Variants in WASF3 observed in about 807,000 individuals in gnomAD.
WASF3 encodes the protein WASP family member 3, also known as actin-binding protein WASF3.
In WASF3, 11 loss-of-function variants were observed where a neutral mutation model predicts 46.6. The ratio of observed to expected loss-of-function variants is 0.24; its 90% CI spans 0.15 to 0.39. The LOEUF is 0.39. WASF3 is among the 10% of genes least tolerant of loss of function. The pLI is 1.00. For missense variants in WASF3, 576 were observed against 669.8 expected, an observed-to-expected ratio of 0.86 and a Z score of 1.55; for synonymous variants, 242 against 259.7, an observed-to-expected ratio of 0.93 and a Z score of 0.65.
chr13:26,593,615 T>G (rs1197356224), intron 1 of WASF3, among the ~76,000 whole-genome samples: 1 of 152,226 alleles, frequency 6.6e-6, no homozygotes, highest in Non-Finnish European at 1.5e-5. Flanking sequence ...CAGATTTATT[T>G]ATTTGCTCTT....
At chr13:26,561,240 G>T (rs1014083713) in intron 1 of WASF3, among the ~76,000 whole-genome samples, 1 of 152,122 alleles carries the variant, frequency 6.6e-6, no homozygotes, top group African/African-American at 2.4e-5. Flanking sequence ...GGTCAAATTT[G>T]CCCTTTGGAG....
intron 3 of WASF3, among the ~76,000 whole-genome samples, chr13:26,649,816 C>G (rs1055958615): frequency 6.6e-6 from 1 of 152,082 alleles, no homozygotes; most frequent in African/African-American, 2.4e-5. Flanking sequence ...CACGGTGGCT[C>G]ACACCTGTAA....
chr13:26,579,668 C>G (rs1402016020), intron 1 of WASF3, among the ~76,000 whole-genome samples: 1 of 152,032 alleles, frequency 6.6e-6, no homozygotes, highest in African/African-American at 2.4e-5. Context: ...CTGTAACAGC[C>G]CCCTGGACCC....
chr13:26,585,908 C>A (rs1167042174), intron 1 of WASF3, among the ~76,000 whole-genome samples: 1 of 152,022 alleles, frequency 6.6e-6, no homozygotes, highest in African/African-American at 2.4e-5. Context: ...AGAAAACTTA[C>A]CTCATAGGCC....
At chr13:26,626,073 CTT>C (rs1288263286) in intron 2 of WASF3, 3 of 152,138 alleles carry the variant, frequency 2.0e-5, no homozygotes, top group Admixed American at 6.6e-5. Context: ...ATGGTAAAGA[CTT>C]TTATTCAGGA....
chr13:26,648,476 A>T (rs1307633071), intron 3 of WASF3, among the ~76,000 whole-genome samples: 3 of 152,334 alleles, frequency 2.0e-5, no homozygotes, highest in Admixed American at 6.5e-5. Flanking sequence ...TCTACTCAGG[A>T]TAAAGATTTA....
chr13:26,688,570 T>C lies in WASF3; in HGVS notation c.*2725T>C, dbSNP rs1883482010. The C allele has an allele frequency of 1.3e-5, 2 of 152,258 alleles. No individual in the cohort carries two copies. Among genetic ancestry groups the C allele is most frequent in the South Asian group, 4.1e-4 (2 of 4,838 alleles). The allele number at this position is 152,258 out of a possible 1,614,324, so 9.4% of individuals were successfully genotyped here. A position where few individuals can be genotyped will look rare whatever the true frequency, so the allele number is the denominator to read the frequency against. ...CGTAAGCTTGGCTACACTGATGTTTTTCTTTACTAAGGATACTATTCAAAA... is the reference window on the plus strand; with the variant it reads ...CGTAAGCTTGGCTACACTGATGTTTCTCTTTACTAAGGATACTATTCAAAA... On this transcript the variant is annotated 3_prime_UTR_variant, in exon 10 of 10. Transcript: ENST00000335327.
intron 1 of WASF3, among the ~76,000 whole-genome samples, chr13:26,581,832 G>T (rs1879987757): frequency 6.6e-6 from 1 of 152,172 alleles, no homozygotes; most frequent in African/African-American, 2.4e-5. Flanking sequence ...GGAAAATAAA[G>T]TGATTCTTCA....
intron 1 of WASF3, chr13:26,606,814 C>T (rs1302546193): frequency 6.6e-6 from 1 of 152,192 alleles, no homozygotes; most frequent in Non-Finnish European, 1.5e-5. Flanking sequence ...TCTGTCGTAG[C>T]ACTTTCCATG....
chr13:26,681,003 CA>C, intron 7 of WASF3, 50 bp from the exon 8 acceptor site: 2 of 1,562,420 alleles, frequency 1.3e-6, no homozygotes, highest in Non-Finnish European at 1.7e-6. Flanking sequence ...TGTTAGCCGA[CA>C]ATTTTTAAAT....
At chr13:26,651,946 T>C (rs570661171) in intron 3 of WASF3, among the ~76,000 whole-genome samples, 3 of 152,194 alleles carry the variant, frequency 2.0e-5, no homozygotes, top group South Asian at 4.1e-4. Context: ...AACATAGATA[T>C]CAAATGAAAT....
At chr13:26,640,865 C>T (rs1000791400) in intron 2 of WASF3, 2 of 152,198 alleles carry the variant, frequency 1.3e-5, no homozygotes, top group Admixed American at 1.3e-4. Context: ...GTGTTACTGC[C>T]TGGGTGGCAG....
intron 2 of WASF3, among the ~76,000 whole-genome samples, chr13:26,634,696 T>G (rs1460782802): frequency 3.3e-5 from 5 of 152,246 alleles, no homozygotes; most frequent in Non-Finnish European, 7.3e-5. Context: ...TGACAAAATC[T>G]CTCAGCATTT....
chr13:26,675,157 CAG>C (rs1261333342), intron 6 of WASF3, among the ~76,000 whole-genome samples: 2 of 152,132 alleles, frequency 1.3e-5, no homozygotes, highest in African/African-American at 4.8e-5. Context: ...TTCTGTAACA[CAG>C]AGAGATCTTC....
rs930186583 is a variant in WASF3, at chr13:26,597,800, A to G, written c.-108-15161A>G. On this transcript the variant is annotated intron_variant, in intron 1 of 9. Coordinates refer to ENST00000335327, the MANE Select transcript of WASF3 (RefSeq NM_006646.6). ...TCCCTACAAAGGACATGAACTCGTC[A>G]TTTTTTATGGCTGCATAGTATTCCA... Among the ~76,000 whole-genome samples the G allele has an allele frequency of 3.7e-4, 56 of 152,212 alleles. 1 individual carries two copies. The East Asian group carries it at 9.9e-3, about 27-fold the overall frequency.
At chr13:26,654,513 G>A (rs1251695348) in intron 3 of WASF3, among the ~76,000 whole-genome samples, 1 of 152,154 alleles carries the variant, frequency 6.6e-6, no homozygotes, top group Admixed American at 6.5e-5. Context: ...GAGAACAGGG[G>A]CTGTGTCCAC....
chr13:26,585,480 T>A (rs905060869), intron 1 of WASF3, among the ~76,000 whole-genome samples: 2 of 152,172 alleles, frequency 1.3e-5, no homozygotes, highest in Non-Finnish European at 2.9e-5. Context: ...TATGGAGAGA[T>A]TTGAAGACTG....
At chr13:26,560,231 C>G (rs749663534) in intron 1 of WASF3, among the ~76,000 whole-genome samples, 1 of 152,152 alleles carries the variant, frequency 6.6e-6, no homozygotes, top group African/African-American at 2.4e-5. Context: ...GACAGCCCCA[C>G]ACATTCTTCT....
At chr13:26,628,408 A>G (rs1029093678) in intron 2 of WASF3, among the ~76,000 whole-genome samples, 1 of 152,224 alleles carries the variant, frequency 6.6e-6, no homozygotes, top group African/African-American at 2.4e-5. Context: ...AAGTGTCAGC[A>G]GGTGCTGCAC....
Sources: gnomAD v4.1 joint callset for allele counts (sites outside exome capture counted in the v4.1 genomes callset) on GRCh38, gnomAD v4.1.1 for gene constraint, MANE v1.5 for transcripts, NCBI Gene and HGNC (gene_info 2026-07-23, HGNC 2026-07-21) for gene names.